The following BAZ2B variants were observed in gnomAD, a reference collection of about 807,000 sequenced individuals.
BAZ2B encodes the protein bromodomain adjacent to zinc finger domain protein 2B.
In BAZ2B, 91 loss-of-function variants were observed where a neutral mutation model predicts 246.0. The ratio of observed to expected loss-of-function variants is 0.37; its 90% CI spans 0.31 to 0.44. The LOEUF (loss-of-function observed/expected upper bound fraction) is 0.44. BAZ2B is among the 20% of genes least tolerant of loss of function. BAZ2B has a pLI of 1.00. For missense variants in BAZ2B, 2,332 were observed against 2,533.7 expected (o/e 0.92, Z 1.71); for synonymous variants, 855 against 860.0 (o/e 0.99, Z 0.10).
the BAZ2B span, among the ~76,000 whole-genome samples, chr2:159,676,491 T>A: frequency 6.6e-6 from 1 of 152,142 alleles, no homozygotes; most frequent in Non-Finnish European, 1.5e-5. Flanking sequence ...CATATTAAAT[T>A]TTCTCATTCA....
chr2:159,567,064 G>A (rs1682790657), intron 1 of BAZ2B, among the ~76,000 whole-genome samples: 1 of 152,114 alleles, frequency 6.6e-6, no homozygotes, highest in Admixed American at 6.5e-5. Context: ...CCAACATGAT[G>A]AGACCTTGTT....
intron 2 of BAZ2B, among the ~76,000 whole-genome samples, chr2:159,509,443 G>T (rs181277325): frequency 6.6e-6 from 1 of 152,222 alleles, no homozygotes; most frequent in Non-Finnish European, 1.5e-5. Flanking sequence ...CACTTTAAGA[G>T]GTGGCTATTT....
chr2:159,443,896 C>A (rs1443110460), intron 6 of BAZ2B, among the ~76,000 whole-genome samples: 1 of 152,076 alleles, frequency 6.6e-6, no homozygotes, highest in East Asian at 1.9e-4. Context: ...CATATTCATG[C>A]CTCCAAGATC....
the BAZ2B span, among the ~76,000 whole-genome samples, chr2:159,666,257 C>CT: frequency 0.016 from 1,529 of 94,174 alleles, 24 homozygotes; most frequent in Non-Finnish European, 0.025. Flanking sequence ...TTTTATGATT[C>CT]TTTTTTTTTT....
chr2:159,617,347 C>T (rs1489122797), upstream of BAZ2B, among the ~76,000 whole-genome samples: 1 of 152,076 alleles, frequency 6.6e-6, no homozygotes, highest in African/African-American at 2.4e-5. Context: ...ATCCTGCAAC[C>T]AATCAAGTTA....
At chr2:159,628,719 A>T in the BAZ2B span, among the ~76,000 whole-genome samples, 1 of 152,230 alleles carries the variant, frequency 6.6e-6, no homozygotes, top group African/African-American at 2.4e-5. Context: ...TAAAAACCCT[A>T]GAAGAAAACC....
At chr2:159,501,045 G>A (rs1405662805) in intron 2 of BAZ2B, among the ~76,000 whole-genome samples, 8 of 141,352 alleles carry the variant, frequency 5.7e-5, no homozygotes, top group African/African-American at 1.3e-4. Flanking sequence ...TGAGGCAGGC[G>A]GACTGCTTGA....
At chr2:159,513,215 C>T (rs921955177) in intron 2 of BAZ2B, among the ~76,000 whole-genome samples, 1 of 152,050 alleles carries the variant, frequency 6.6e-6, no homozygotes, top group Non-Finnish European at 1.5e-5. Flanking sequence ...ACTTGACTAC[C>T]CAGAATAATT....
the BAZ2B span, among the ~76,000 whole-genome samples, chr2:159,630,678 C>T: frequency 1.3e-5 from 2 of 151,956 alleles, no homozygotes; most frequent in Non-Finnish European, 2.9e-5. Context: ...GGACTACAGG[C>T]GCCCGCTACC....
the BAZ2B span, among the ~76,000 whole-genome samples, chr2:159,630,565 G>A: frequency 6.8e-6 from 1 of 147,590 alleles, no homozygotes; most frequent in East Asian, 2.0e-4. Flanking sequence ...ACGGAGTCTC[G>A]CTCTGTCGCC....
chr2:159,463,901 T>C (rs2076721461), intron 3 of BAZ2B: 2 of 152,214 alleles, frequency 1.3e-5, no homozygotes, highest in South Asian at 4.1e-4. Flanking sequence ...AGATGGGGTT[T>C]CACCATGTTG....
At chr2:159,536,715 C>G (rs557127979) in intron 2 of BAZ2B, among the ~76,000 whole-genome samples, 2 of 152,182 alleles carry the variant, frequency 1.3e-5, no homozygotes, top group South Asian at 4.1e-4. Flanking sequence ...CATGGCACAT[C>G]AAGATGTCTT....
At chr2:159,663,607 C>T in the BAZ2B span, among the ~76,000 whole-genome samples, 8 of 151,572 alleles carry the variant, frequency 5.3e-5, no homozygotes, top group African/African-American at 9.7e-5. Context: ...GCAACCTCTG[C>T]CTCCTGGGTT....
chr2:159,594,765 G>A (rs775025224), intron 1 of BAZ2B, among the ~76,000 whole-genome samples: 10 of 152,002 alleles, frequency 6.6e-5, no homozygotes, highest in African/African-American at 9.7e-5. Flanking sequence ...CCAAGCGGCT[G>A]GGACTACAGG....
In BAZ2B at chr2:159,438,310, G is replaced by C; in HGVS notation, c.1286C>G (p.Ser429Cys). The C allele has an allele frequency of 1.2e-6, 2 of 1,611,726 alleles. No homozygotes were observed. The highest frequency in any genetic ancestry group is 1.7e-6 in the Non-Finnish European group (2 of 1,179,238). The change falls in exon 8 of 37, where the codon TCC (serine) becomes TGC (cysteine). Residue 429 changes from serine (S) to cysteine (C), a missense_variant. Coordinates refer to ENST00000392783, the MANE Select transcript of BAZ2B (RefSeq NM_013450.4). ...ESSLLTSELR[S>C]KREQYKQAFP... is the part of the protein sequence containing the mutation. Reference sequence around the variant, plus strand: ...AAATAATTTGTAACTCACCCGTTTGGATCTCAATTCACTGGTCAATAAACT... The same window carrying C: ...AAATAATTTGTAACTCACCCGTTTGCATCTCAATTCACTGGTCAATAAACT...
chr2:159,367,312 GCT>G (rs1337896410), intron 27 of BAZ2B, among the ~76,000 whole-genome samples: 1 of 152,212 alleles, frequency 6.6e-6, no homozygotes. Flanking sequence ...TCCCCTGAGT[GCT>G]CTGTTACTTA....
chr2:159,403,215 G>A (rs2065371500), intron 16 of BAZ2B, among the ~76,000 whole-genome samples: 1 of 152,150 alleles, frequency 6.6e-6, no homozygotes, highest in Non-Finnish European at 1.5e-5. Context: ...GAGAGTATGA[G>A]TAGAATTACT....
chr2:159,462,799 C>A, intron 3 of BAZ2B: 2 of 1,434,008 alleles, frequency 1.4e-6, no homozygotes, highest in South Asian at 2.3e-5. Context: ...CAATAATAGT[C>A]TGTTGCCCAT....
At chr2:159,385,921 AT>A (rs1352402539) in intron 22 of BAZ2B, among the ~76,000 whole-genome samples, 3 of 152,140 alleles carry the variant, frequency 2.0e-5, no homozygotes, top group African/African-American at 4.8e-5. Context: ...ACATGAACTT[AT>A]TGAGGATCCA....
Sources: allele counts gnomAD v4.1 joint callset (sites outside exome capture counted in the v4.1 genomes callset), GRCh38; gene constraint gnomAD v4.1.1; transcripts MANE v1.5; gene names NCBI Gene and HGNC (gene_info 2026-07-23, HGNC 2026-07-21).